The following ATP8B3 variants were observed in gnomAD, a reference collection of about 807,000 sequenced individuals.
The protein encoded by ATP8B3 is phospholipid-transporting ATPase IK.
ATP8B3 carries 141 observed loss-of-function variants against 140.9 expected under a neutral mutation model. That is an observed-to-expected ratio of 1.00 (90% CI 0.87 to 1.15). The LOEUF (loss-of-function observed/expected upper bound fraction) is 1.15. Among genes scored for constraint, ATP8B3 ranks in the 50% most tolerant of loss-of-function variants. The pLI is 0.00. For synonymous variants in ATP8B3, 765 were observed against 714.6 expected (o/e 1.07, Z -1.13); for missense variants, 1,874 against 1,740.6 (o/e 1.08, Z -1.36).
At chr19:1,785,045 G>A (rs1027705548) in intron 27 of ATP8B3, 99 bp from the exon 28 acceptor site, 3 of 1,497,864 alleles carry the variant, frequency 2.0e-6, no homozygotes, top group African/African-American at 2.8e-5. Context: ...GTCCATAAAG[G>A]AGCGCCTTCC....
chr19:1,796,234 G>T lies in ATP8B3; in HGVS notation c.1785C>A (p.Asp595Glu), dbSNP rs777472676. The change falls in exon 17 of 29, where the codon GAC becomes GAA. Residue 595 changes from aspartate to glutamate, a missense_variant. By Grantham distance (45) the Asp-to-Glu change is conservative (BLOSUM62 2). Coordinates refer to ENST00000310127, the MANE Select transcript of ATP8B3 (RefSeq NM_138813.4). Reference protein sequence around the residue: ...DQLLYQAASPDEGALVTAARN... With the variant: ...DQLLYQAASPEEGALVTAARN... ...GGGCTGCGGTGACCAGCGCCCCCTC[G>T]TCGGGGGAGGCCGCCTGGTACAACA... 1 of 1,612,220 alleles carries T rather than the reference G, an allele frequency of 6.2e-7. No individual in the cohort carries two copies. The highest frequency in any genetic ancestry group is 1.7e-5 in the Admixed American group (1 of 59,966).
intron 4 of ATP8B3, among the ~76,000 whole-genome samples, chr19:1,809,353 T>C (rs1191589945): frequency 1.3e-5 from 2 of 150,700 alleles, no homozygotes; most frequent in Admixed American, 6.6e-5. Flanking sequence ...TGGTGGTGCA[T>C]GCCTGTAATC....
At position 1,796,041 on chromosome 19, in the gene ATP8B3, C is replaced by A. The variant is rs577553650; in HGVS notation, c.1942+36G>T. ...AGAGGCTCCCCGTCTGCCCGCCCCA[C>A]CTTGGGGGGCCCAGGGCTTGGGTGG... On this transcript the variant is annotated intron_variant, in intron 17 of 28. Coordinates refer to ENST00000310127, the MANE Select transcript of ATP8B3 (RefSeq NM_138813.4). The A allele has an allele frequency of 8.7e-6, 14 of 1,611,804 alleles. No individual in the cohort carries two copies. The South Asian group carries it at 1.2e-4, about 14-fold the overall frequency.
intron 18 of ATP8B3, among the ~76,000 whole-genome samples, chr19:1,795,330 C>A (rs2068632344): frequency 1.3e-5 from 2 of 152,104 alleles, no homozygotes; most frequent in African/African-American, 4.8e-5. Flanking sequence ...GGGGGCAGAT[C>A]ACCTGAGGTC....
In ATP8B3 at chr19:1,789,504, T is replaced by A; in HGVS notation, c.2702A>T (p.Asp901Val). The A allele has an allele frequency of 6.3e-7, 1 of 1,597,712 alleles. No individual in the cohort carries two copies. The highest frequency in any genetic ancestry group is 8.5e-7 in the Non-Finnish European group (1 of 1,179,054). Reference sequence around the variant, plus strand: ...GACCGCCTGGCACTTGGACGCCAGGTCCACGAAGGCGCGCTCCTGCAGCAC... The same window carrying A: ...GACCGCCTGGCACTTGGACGCCAGGACCACGAAGGCGCGCTCCTGCAGCAC... Reference protein sequence around the residue: ...SEVLQERAFVDLASKCQAVIC... With the variant: ...SEVLQERAFVVLASKCQAVIC... The change falls in exon 23 of 29, where the codon GAC (aspartate) becomes GTC (valine). Residue 901 changes from aspartate to valine, a missense_variant. Physicochemically the swap from Asp to Val is radical, Grantham distance 152. This residue lies in a region of ATP8B3 where 840 missense variants were observed against 760.9 expected (regional missense o/e 1.10). Transcript: ENST00000310127.
chr19:1,787,350 C>A (rs557122136), intron 24 of ATP8B3, among the ~76,000 whole-genome samples, 164 bp from the exon 25 acceptor site: 2 of 152,100 alleles, frequency 1.3e-5, no homozygotes, highest in African/African-American at 4.8e-5. Context: ...CTGATAAAGG[C>A]GGCAAGATAA....
At chr19:1,791,922 G>T (rs560826837) in intron 19 of ATP8B3, 61 bp from the exon 20 acceptor site, 1 of 1,598,068 alleles carries the variant, frequency 6.3e-7, no homozygotes, top group East Asian at 2.3e-5. Flanking sequence ...TCCCTGGCGG[G>T]GGCAGGAGAG....
At chr19:1,797,061 C>T in intron 14 of ATP8B3, 56 bp from the exon 15 acceptor site, 1 of 1,610,928 alleles carries the variant, frequency 6.2e-7, no homozygotes, top group East Asian at 2.2e-5. Flanking sequence ...ATTCGGGATC[C>T]CATAGCCCCT....
rs1024849436 is a variant in ATP8B3 at position 1,789,113 on chromosome 19, G to A, written c.2853C>T (p.Asp951=). ...CCTGGCCCGCCAGCCCCACGCCCAC[G>A]TCCGCGGCTGCAGGGCACAAGCAGC... is the stretch of plus-strand genomic sequence containing the variant. ...ANDINMIKTA[D]VGVGLAGQEG... The change falls in exon 24 of 29, where the codon GAC becomes GAT. Residue 951 remains aspartate (D), a synonymous_variant. Coordinates refer to ENST00000310127, the MANE Select transcript of ATP8B3 (RefSeq NM_138813.4). 3.2e-6 allele frequency: 5 copies of A among 1,584,078 alleles called. No individual in the cohort carries two copies. Among genetic ancestry groups the A allele is most frequent in the South Asian group, 1.1e-5 (1 of 87,714 alleles).
intron 25 of ATP8B3, 32 bp downstream of exon 25, chr19:1,787,071 C>T (rs937645200): frequency 6.5e-7 from 1 of 1,540,336 alleles, no homozygotes; most frequent in African/African-American, 1.4e-5. Context: ...AAGCAGAGAC[C>T]TGGAAGGAAG....
intron 28 of ATP8B3, 63 bp from the exon 29 acceptor site, chr19:1,783,333 C>T (rs1319000512): frequency 1.9e-6 from 3 of 1,544,426 alleles, no homozygotes; most frequent in East Asian, 4.7e-5. Context: ...GCTCTCAGGT[C>T]CCCCAAGTAG....
intron 2 of ATP8B3, among the ~76,000 whole-genome samples, chr19:1,811,199 G>A (rs1230984048): frequency 6.6e-6 from 1 of 152,212 alleles, no homozygotes; most frequent in Non-Finnish European, 1.5e-5. Flanking sequence ...TGAGGGTCAG[G>A]CATGGCCACT....
chr19:1,791,936 C>T, intron 19 of ATP8B3, 65 bp downstream of exon 19: 1 of 1,588,382 alleles, frequency 6.3e-7, no homozygotes, highest in Non-Finnish European at 8.6e-7. Context: ...AGGAGAGTCC[C>T]AGGGCCCCCT....
In ATP8B3 at chr19:1,809,752, G is replaced by A; in HGVS notation, c.311-18C>T. 2 of 1,592,534 alleles carry A rather than the reference G, an allele frequency of 1.3e-6. No individual in the cohort carries two copies. The highest frequency in any genetic ancestry group is 1.7e-6 in the Non-Finnish European group (2 of 1,169,482). On this transcript the variant is annotated intron_variant, in intron 3 of 28. Transcript: ENST00000310127. ...GGTGAATGCTGCAGCGAGAGAGCCG[G>A]GCGTCGCTGGAGCTCGAGGCCCAGG...
Position 1,789,100 on chromosome 19 carries a change from G to A in ATP8B3, c.2866C>T (p.Leu956=), listed in dbSNP as rs1242966851. The A allele has an allele frequency of 8.8e-6, 14 of 1,592,832 alleles. No homozygotes were observed. The highest frequency in any genetic ancestry group is 1.2e-5 in the Non-Finnish European group (14 of 1,174,316). The change falls in exon 24 of 29, where the codon CTG becomes TTG. Residue 956 remains leucine, a synonymous_variant. Transcript: ENST00000310127. ...GCCTGCATGCCCTCCTGGCCCGCCA[G>A]CCCCACGCCCACGTCCGCGGCTGCA... ...MIKTADVGVG[L]AGQEGMQAVQ... is the part of the protein sequence containing the mutation.
Position 1,782,313 on chromosome 19 carries a change from C to A in ATP8B3, c.*715G>T. ...CTACGTCACTGCTGAACCCTGGTCC[C>A]CTCCGCAGAGGGCAATGACTGCTCC... On this transcript the variant is annotated 3_prime_UTR_variant, in exon 29 of 29. Coordinates refer to ENST00000310127, the MANE Select transcript of ATP8B3 (RefSeq NM_138813.4). The A allele has an allele frequency of 2.9e-6, 1 of 347,000 alleles. No individual in the cohort carries two copies. The highest frequency in any genetic ancestry group is 5.3e-6 in the Non-Finnish European group (1 of 190,246). 21.5% of individuals were successfully genotyped at this position (347,000 alleles called of 1,614,324 possible). A position where few individuals can be genotyped will look rare whatever the true frequency, so the allele number is the denominator to read the frequency against.
intron 23 of ATP8B3, 109 bp from the exon 24 acceptor site, chr19:1,789,229 G>T: frequency 1.1e-6 from 1 of 938,636 alleles, no homozygotes; most frequent in Non-Finnish European, 1.5e-6. Flanking sequence ...TCTGCTTCAG[G>T]TCCCCCCAGT....
At chr19:1,801,602 A>T (rs148100866) in intron 12 of ATP8B3, among the ~76,000 whole-genome samples, 1,671 of 152,132 alleles carry the variant, frequency 0.011, 30 homozygotes, top group African/African-American at 0.038. Flanking sequence ...ATACAAAAAA[A>T]TTAGCCAGGC....
chr19:1,783,346 G>A (rs2145165434), intron 28 of ATP8B3, 76 bp from the exon 29 acceptor site: 1 of 1,516,094 alleles, frequency 6.6e-7, no homozygotes, highest in South Asian at 1.2e-5. Flanking sequence ...CCAAGTAGGA[G>A]AGGCAGGATT....
Sources: gnomAD v4.1 joint callset for allele counts (sites outside exome capture counted in the v4.1 genomes callset) on GRCh38, gnomAD v4.1.1 for gene constraint, gnomAD v4.1.1 regional missense constraint, MANE v1.5 for transcripts, NCBI Gene and HGNC (gene_info 2026-07-23, HGNC 2026-07-21) for gene names.